IQSEC1: variants seen among roughly 807,000 people sequenced by gnomAD.
IQSEC1 encodes the protein IQ motif and SEC7 domain-containing protein 1.
In IQSEC1, 31 loss-of-function variants were observed where a neutral mutation model predicts 91.0. The ratio of observed to expected loss-of-function variants is 0.34; its 90% CI spans 0.26 to 0.46. The LOEUF (loss-of-function observed/expected upper bound fraction) is 0.46. Ranked by LOEUF, IQSEC1 falls within the 20% of genes least tolerant of loss-of-function variation. IQSEC1 has a pLI of 1.00. For missense variants in IQSEC1, 1,388 were observed against 1,575.6 expected (o/e 0.88, Z 2.02); for synonymous variants, 699 against 662.6 (o/e 1.05, Z -0.84).
chr3:13,219,383 T>C (rs1244958960), intron 1 of IQSEC1, among the ~76,000 whole-genome samples: 2 of 152,154 alleles, frequency 1.3e-5, no homozygotes, highest in African/African-American at 4.8e-5. Context: ...CTCCTGGCAG[T>C]GTAACCACCC....
chr3:13,153,762 G>C (rs1221854891), intron 2 of IQSEC1, among the ~76,000 whole-genome samples: 4 of 152,174 alleles, frequency 2.6e-5, no homozygotes, highest in Non-Finnish European at 5.9e-5. Flanking sequence ...GATGGTTTCT[G>C]TCCTTGTCTC....
intron 1 of IQSEC1, among the ~76,000 whole-genome samples, chr3:12,947,630 A>G (rs1387251468): frequency 6.6e-6 from 1 of 152,128 alleles, no homozygotes; most frequent in East Asian, 1.9e-4. Flanking sequence ...TTCCCATGAG[A>G]TGAGTTCTGT....
Position 13,065,435 on chromosome 3 carries a change from C to T in IQSEC1, c.23+7557G>A, listed in dbSNP as rs907448929. On this transcript the variant is annotated intron_variant, in intron 1 of 13. Coordinates refer to ENST00000613206, the MANE Select transcript of IQSEC1 (RefSeq NM_001134382.3). ...GATGAATAATCTCTCAGTTATATGACTATATTTGAAAAACAACAAAGACGT... is the reference window on the plus strand; with the variant it reads ...GATGAATAATCTCTCAGTTATATGATTATATTTGAAAAACAACAAAGACGT... 1.3e-5 allele frequency among the ~76,000 whole-genome samples: 2 copies of T among 152,140 alleles called. 1 individual carries two copies. The highest frequency in any genetic ancestry group is 4.1e-4 in the South Asian group (2 of 4,822).
chr3:12,972,030 C>T (rs2125545949), intron 1 of IQSEC1, among the ~76,000 whole-genome samples: 1 of 150,652 alleles, frequency 6.6e-6, no homozygotes, highest in South Asian at 2.1e-4. Flanking sequence ...AACAAACAAA[C>T]AAACAAACAA....
chr3:13,102,597 C>T (rs1706084041), intron 2 of IQSEC1, among the ~76,000 whole-genome samples: 1 of 152,166 alleles, frequency 6.6e-6, no homozygotes, highest in Non-Finnish European at 1.5e-5. Flanking sequence ...CTGTCCTTCC[C>T]CGGTCGGGTG....
chr3:13,067,583 G>C (rs1202013893), intron 1 of IQSEC1, among the ~76,000 whole-genome samples: 1 of 152,238 alleles, frequency 6.6e-6, no homozygotes, highest in Admixed American at 6.5e-5. Flanking sequence ...AACCTGCTCA[G>C]GGTAAGGCGT....
intron 3 of IQSEC1, among the ~76,000 whole-genome samples, chr3:12,925,515 C>T (rs1009131541): frequency 6.6e-6 from 1 of 152,194 alleles, no homozygotes; most frequent in East Asian, 1.9e-4. Flanking sequence ...TCAGTAAGCA[C>T]CGTAAGAGGT....
chr3:13,210,872 C>T (rs1694431362), intron 1 of IQSEC1, among the ~76,000 whole-genome samples: 1 of 152,224 alleles, frequency 6.6e-6, no homozygotes, highest in Admixed American at 6.5e-5. Context: ...GGGCACGGCC[C>T]ACTGTGGACT....
chr3:13,225,953 C>T (rs1339699474), intron 1 of IQSEC1, among the ~76,000 whole-genome samples: 3 of 152,000 alleles, frequency 2.0e-5, no homozygotes, highest in African/African-American at 7.3e-5. Flanking sequence ...CATCTCTGCT[C>T]ACTGCAACCT....
intron 2 of IQSEC1, among the ~76,000 whole-genome samples, chr3:13,115,713 G>C (rs936765154): frequency 2.6e-5 from 4 of 152,210 alleles, no homozygotes; most frequent in African/African-American, 9.6e-5. Context: ...CGCCTGAAGT[G>C]GGCACTCACC....
chr3:13,011,607 CTT>C (rs938898662), intron 1 of IQSEC1, among the ~76,000 whole-genome samples: 1 of 152,198 alleles, frequency 6.6e-6, no homozygotes, highest in African/African-American at 2.4e-5. Context: ...GCTTCGAAGT[CTT>C]TTTAACATTC....
intron 2 of IQSEC1, among the ~76,000 whole-genome samples, chr3:13,127,958 A>T (rs551875534): frequency 1.3e-5 from 2 of 152,234 alleles, no homozygotes; most frequent in South Asian, 4.1e-4. Flanking sequence ...TTGATTTCTA[A>T]ATTTTTGCTG....
chr3:13,278,059 C>T (rs1055496520), intron 1 of IQSEC1, among the ~76,000 whole-genome samples: 5 of 152,192 alleles, frequency 3.3e-5, no homozygotes, highest in African/African-American at 7.2e-5. Flanking sequence ...TGCCGCCGTA[C>T]GGTTAATGTC....
At chr3:12,944,848 C>A (rs1012356013) in intron 1 of IQSEC1, among the ~76,000 whole-genome samples, 21 of 152,224 alleles carry the variant, frequency 1.4e-4, no homozygotes, top group Non-Finnish European at 2.8e-4. Context: ...TGGGAGGCAC[C>A]GTCAGGGAGG....
chr3:13,068,488 A>G (rs1425110970), intron 1 of IQSEC1, among the ~76,000 whole-genome samples: 1 of 152,198 alleles, frequency 6.6e-6, no homozygotes, highest in East Asian at 1.9e-4. Context: ...CCCCAGGCTC[A>G]TGACACCCCC....
In IQSEC1 at chr3:13,062,086, A is replaced by C. The variant is rs373051891; in HGVS notation, c.23+10906T>G. 5.9e-5 allele frequency among the ~76,000 whole-genome samples: 9 copies of C among 152,314 alleles called. 1 individual carries two copies. Among genetic ancestry groups the C allele is most frequent in the Admixed American group, 6.5e-5 (1 of 15,310 alleles). Reference sequence around the variant, plus strand: ...CATTGGAGCCCCTGGAGCCAGCCACACTGAAGCCAGATCGTGGGCTATTCA... The same window carrying C: ...CATTGGAGCCCCTGGAGCCAGCCACCCTGAAGCCAGATCGTGGGCTATTCA... On this transcript the variant is annotated intron_variant, in intron 1 of 13. Coordinates refer to ENST00000613206, the MANE Select transcript of IQSEC1 (RefSeq NM_001134382.3).
At chr3:13,009,655 T>G (rs360832) in intron 1 of IQSEC1, among the ~76,000 whole-genome samples, 106,311 of 141,570 alleles carry the variant, frequency 0.75, 37,882 homozygotes, top group Middle Eastern at 0.8. Context: ...ATTAGTATGT[T>G]TGTATATATA....
chr3:13,204,574 C>G (rs1458959639), intron 1 of IQSEC1, among the ~76,000 whole-genome samples: 1 of 152,182 alleles, frequency 6.6e-6, no homozygotes, highest in Non-Finnish European at 1.5e-5. Context: ...GCAATGGGGA[C>G]GGAGGCGCTC....
intron 2 of IQSEC1, among the ~76,000 whole-genome samples, chr3:13,095,263 T>C (rs1313567364): frequency 2.6e-5 from 4 of 151,904 alleles, no homozygotes; most frequent in African/African-American, 9.7e-5. Context: ...AAAGGTGTGG[T>C]CAATCCCCGA....
Sources: gnomAD v4.1 joint callset for allele counts (sites outside exome capture counted in the v4.1 genomes callset) on GRCh38, gnomAD v4.1.1 for gene constraint, MANE v1.5 for transcripts, NCBI Gene and HGNC (gene_info 2026-07-23, HGNC 2026-07-21) for gene names.